DYNC2H1: variants seen among roughly 807,000 people sequenced by gnomAD.
DYNC2H1 encodes cytoplasmic dynein 2 heavy chain 1.
Under a neutral mutation model 570.0 loss-of-function variants are expected in DYNC2H1, and 410 were observed. That is an observed-to-expected ratio of 0.72 (90% CI 0.66 to 0.78). The LOEUF is 0.78. Among genes scored for constraint, DYNC2H1 ranks in the 30% least tolerant of loss-of-function variants. DYNC2H1 has a pLI of 0.00. For synonymous variants in DYNC2H1, 1,688 were observed against 1,677.6 expected, an observed-to-expected ratio of 1.01 and a Z score of -0.15; for missense variants, 4,865 against 5,046.4, an observed-to-expected ratio of 0.96 and a Z score of 1.09.
Position 103,388,197 on chromosome 11 carries a change from T to C in DYNC2H1, c.12157-11466T>C, listed in dbSNP as rs528722521. On this transcript the variant is annotated intron_variant, in intron 83 of 88. Coordinates refer to ENST00000375735, the MANE Select transcript of DYNC2H1 (RefSeq NM_001377.3). Reference sequence around the variant, plus strand: ...ATTTCCTTGAGCAGTGGTTTGTAGTTCTCCTTGAAGAGGTCCTTCACATCC... The same window carrying C: ...ATTTCCTTGAGCAGTGGTTTGTAGTCCTCCTTGAAGAGGTCCTTCACATCC... Among the ~76,000 whole-genome samples, 12 of 146,628 alleles carry C rather than the reference T, an allele frequency of 8.2e-5. No individual in the cohort carries two copies. In the South Asian group the frequency reaches 2.7e-3, roughly 33 times the overall value.
chr11:103,363,578 A>C lies in DYNC2H1; in HGVS notation c.12156+5219A>C, dbSNP rs1225368138. 6.6e-6 allele frequency among the ~76,000 whole-genome samples: 1 copy of C among 152,226 alleles called. No homozygotes were observed. Among genetic ancestry groups the C allele is most frequent in the Non-Finnish European group, 1.5e-5 (1 of 68,038 alleles). ...GGGAAATACTGATAGATATGGAATTAATGTGTTTATCTTTTAACAGCTAGA... is the reference window on the plus strand; with the variant it reads ...GGGAAATACTGATAGATATGGAATTCATGTGTTTATCTTTTAACAGCTAGA... On this transcript the variant is annotated intron_variant, in intron 83 of 88. Coordinates refer to ENST00000375735, the MANE Select transcript of DYNC2H1 (RefSeq NM_001377.3). This position sits in a 1 kb window ranked among gnomAD's most constrained non-coding sequence, Gnocchi z 5.6.
chr11:103,468,683 GT>G lies in DYNC2H1; in HGVS notation c.12747del (p.Phe4249LeufsTer56). The G allele has an allele frequency of 6.2e-7, 1 of 1,612,712 alleles. No individual in the cohort carries two copies. Among genetic ancestry groups the G allele is most frequent in the South Asian group, 1.1e-5 (1 of 90,890 alleles). ...DSPSVSSVLP[C>X]FMGWIPQDAC... Reference sequence around the variant, plus strand: ...CCCAGCGTGTCATCAGTGCTCCCTTGTTTTATGGGCTGGATTCCACAGGTAA... The same window carrying G: ...CCCAGCGTGTCATCAGTGCTCCCTTGTTTATGGGCTGGATTCCACAGGTAA... On this transcript the variant is annotated frameshift_variant, in exon 88 of 89. Coordinates refer to ENST00000375735, the MANE Select transcript of DYNC2H1 (RefSeq NM_001377.3). LOFTEE classifies it high-confidence loss of function.
chr11:103,223,486 C>G (rs1040698925), intron 59 of DYNC2H1, among the ~76,000 whole-genome samples: 1 of 151,984 alleles, frequency 6.6e-6, no homozygotes, highest in Non-Finnish European at 1.5e-5. Flanking sequence ...CTCCCAGGTT[C>G]AAGCGATTCT....
intron 29 of DYNC2H1, among the ~76,000 whole-genome samples, chr11:103,162,815 T>C (rs1005557440): frequency 9.8e-5 from 15 of 152,352 alleles, no homozygotes; most frequent in African/African-American, 3.6e-4. Context: ...AAAATTGTTT[T>C]ATTCAAATTA....
At chr11:103,337,422 A>G (rs1297705659) in intron 82 of DYNC2H1, among the ~76,000 whole-genome samples, 2 of 152,132 alleles carry the variant, frequency 1.3e-5, no homozygotes, top group Admixed American at 6.5e-5. Context: ...GGCACTGGAC[A>G]ATATAGTATT....
chr11:103,161,052 A>G lies in DYNC2H1; in HGVS notation c.4491+8A>G. 7.4e-7 allele frequency: 1 copy of G among 1,348,974 alleles called. No homozygotes were observed. The highest frequency in any genetic ancestry group is 2.6e-5 in the East Asian group (1 of 37,770). The allele number at this position is 1,348,974 out of a possible 1,614,324, so 83.6% of individuals were successfully genotyped here. A position where few individuals can be genotyped will look rare whatever the true frequency, so the allele number is the denominator to read the frequency against. ...CTATCAAATAATGTAGAGGTAAGCAATTCTTTTTCAAATATGAAAACAAAA... is the reference window on the plus strand; with the variant it reads ...CTATCAAATAATGTAGAGGTAAGCAGTTCTTTTTCAAATATGAAAACAAAA... On this transcript the variant is annotated splice_region_variant and intron_variant, in intron 29 of 88. Transcript: ENST00000375735.
At position 103,187,595 on chromosome 11, in the gene DYNC2H1, T is replaced by G; in HGVS notation, c.7140+9T>G. 6.2e-7 allele frequency: 1 copy of G among 1,611,592 alleles called. No homozygotes were observed. The highest frequency in any genetic ancestry group is 2.2e-5 in the East Asian group (1 of 44,778). On this transcript the variant is annotated intron_variant, in intron 43 of 88. Coordinates refer to ENST00000375735, the MANE Select transcript of DYNC2H1 (RefSeq NM_001377.3). ...TAGCATTCCTACAACAGGTAAGTCA[T>G]ATTGCTTGAAGTGTTTTAATCTAAT...
At chr11:103,462,619 T>A (rs545074145) in intron 87 of DYNC2H1, among the ~76,000 whole-genome samples, 4 of 152,342 alleles carry the variant, frequency 2.6e-5, no homozygotes, top group Middle Eastern at 6.8e-3. Flanking sequence ...CTGGATATTA[T>A]GAAATACATT....
At position 103,461,897 on chromosome 11, in the gene DYNC2H1, A is replaced by ACC. The variant is rs1230326491; in HGVS notation, c.12648+5544_12648+5545dup. Among the ~76,000 whole-genome samples the ACC allele has an allele frequency of 1.3e-5, 2 of 151,792 alleles. No individual in the cohort carries two copies. Among genetic ancestry groups the ACC allele is most frequent in the Non-Finnish European group, 2.9e-5 (2 of 67,938 alleles). Reference sequence around the variant, plus strand: ...CACATTTCAGACATCATTTTATTTTACCCCTCTATGGTTCTGAATGTGTTT... The same window carrying ACC: ...CACATTTCAGACATCATTTTATTTTACCCCCCTCTATGGTTCTGAATGTGTTT... On this transcript the variant is annotated intron_variant, in intron 87 of 88. Coordinates refer to ENST00000375735, the MANE Select transcript of DYNC2H1 (RefSeq NM_001377.3). This position sits in a 1 kb window ranked among gnomAD's most constrained non-coding sequence, Gnocchi z 4.8.
At chr11:103,193,200 TGA>T (rs1277309542) in intron 47 of DYNC2H1, among the ~76,000 whole-genome samples, 4 of 152,204 alleles carry the variant, frequency 2.6e-5, no homozygotes, top group African/African-American at 7.2e-5. Flanking sequence ...GATGAAATGC[TGA>T]GAGAAGCCTG....
intron 78 of DYNC2H1, 31 bp downstream of exon 78, chr11:103,307,862 T>C: frequency 2.2e-6 from 3 of 1,339,826 alleles, no homozygotes; most frequent in Non-Finnish European, 3.1e-6. Flanking sequence ...GATCACCAGT[T>C]GTATGAAAGC....
At chr11:103,312,884 A>C (rs1867665524) in intron 79 of DYNC2H1, among the ~76,000 whole-genome samples, 1 of 152,160 alleles carries the variant, frequency 6.6e-6, no homozygotes, top group South Asian at 2.1e-4. Context: ...TCAGTCTATA[A>C]ACTCAGGAGC....
chr11:103,469,463 G>T (rs531187876), intron 88 of DYNC2H1, among the ~76,000 whole-genome samples: 1 of 152,176 alleles, frequency 6.6e-6, no homozygotes, highest in South Asian at 2.1e-4. Context: ...TTCATATATT[G>T]CTCACTACAA....
chr11:103,343,681 C>G (rs1939595276), intron 82 of DYNC2H1, among the ~76,000 whole-genome samples: 1 of 152,122 alleles, frequency 6.6e-6, no homozygotes, highest in Admixed American at 6.5e-5. Flanking sequence ...AATGCCACTG[C>G]ATTCCTGTCT....
chr11:103,169,041 TTTTA>T, intron 32 of DYNC2H1, 81 bp downstream of exon 32: 3 of 1,264,172 alleles, frequency 2.4e-6, no homozygotes, highest in Non-Finnish European at 2.1e-6. Context: ...AGAAATACTT[TTTTA>T]TTTAAGTAGT....
Position 103,357,962 on chromosome 11 carries a change from A to G in DYNC2H1, c.12040-281A>G, listed in dbSNP as rs1360551924. Among the ~76,000 whole-genome samples, 4 of 152,174 alleles carry G rather than the reference A, an allele frequency of 2.6e-5. 1 individual carries two copies. Among genetic ancestry groups the G allele is most frequent in the African/African-American group, 4.8e-5 (2 of 41,458 alleles). On this transcript the variant is annotated intron_variant, in intron 82 of 88. Coordinates refer to ENST00000375735, the MANE Select transcript of DYNC2H1 (RefSeq NM_001377.3). ...AAGACCCTGTCTCAAAAAAATCCAA[A>G]TAACAACAACAAATGAAGCATCTTT...
chr11:103,443,768 G>A (rs1408388736), intron 85 of DYNC2H1, among the ~76,000 whole-genome samples: 4 of 151,592 alleles, frequency 2.6e-5, no homozygotes, highest in Middle Eastern at 3.2e-3. Context: ...AATATTATGT[G>A]TACCTAGTTT....
At chr11:103,316,274 G>A (rs1937834987) in intron 79 of DYNC2H1, among the ~76,000 whole-genome samples, 1 of 152,020 alleles carries the variant, frequency 6.6e-6, no homozygotes, top group African/African-American at 2.4e-5. Flanking sequence ...AATAAAAAAT[G>A]TAGTATATCA....
At chr11:103,225,956 T>TG (rs1863785470) in intron 59 of DYNC2H1, among the ~76,000 whole-genome samples, 1 of 21,864 alleles carries the variant, frequency 4.6e-5, no homozygotes, top group Non-Finnish European at 1.1e-4. Context: ...TTCCTAAGTA[T>TG]TTTTTTTTTT....
Sources: allele counts gnomAD v4.1 joint callset (sites outside exome capture counted in the v4.1 genomes callset), GRCh38; gene constraint gnomAD v4.1.1; non-coding constraint Gnocchi (gnomAD v3.1); transcripts MANE v1.5; gene names NCBI Gene and HGNC (gene_info 2026-07-23, HGNC 2026-07-21).